Variants in MAP3K5 observed in about 807,000 individuals in gnomAD.
The protein encoded by MAP3K5 is mitogen-activated protein kinase kinase kinase 5.
MAP3K5 carries 56 observed loss-of-function variants against 158.7 expected under a neutral mutation model. The observed-to-expected ratio is 0.35, with a 90% CI of 0.28 to 0.44. The LOEUF is 0.44. MAP3K5 is among the 20% of genes least tolerant of loss of function. MAP3K5 has a pLI of 1.00. For missense variants in MAP3K5, 1,294 were observed against 1,674.8 expected (o/e 0.77, Z 3.97); for synonymous variants, 579 against 601.7 (o/e 0.96, Z 0.55).
chr6:136,712,175 CT>C (rs35467964), intron 2 of MAP3K5, among the ~76,000 whole-genome samples: 362 of 135,400 alleles, frequency 2.7e-3, no homozygotes, highest in African/African-American at 2.8e-3. Flanking sequence ...TTTAATAGAG[CT>C]TTTTTTTTTT....
intron 15 of MAP3K5, among the ~76,000 whole-genome samples, chr6:136,616,130 G>T (rs115424469): frequency 0.011 from 1,717 of 152,100 alleles, 33 homozygotes; most frequent in African/African-American, 0.04. Context: ...ATACCAGTTA[G>T]AGATAGCAAC....
intron 9 of MAP3K5, among the ~76,000 whole-genome samples, chr6:136,658,563 C>T (rs1778868358): frequency 6.6e-6 from 1 of 152,098 alleles, no homozygotes; most frequent in Non-Finnish European, 1.5e-5. Context: ...GATCTGTCCA[C>T]CTCAGCCTCC....
chr6:136,573,456 T>C (rs1386199952), intron 25 of MAP3K5, among the ~76,000 whole-genome samples: 6 of 152,240 alleles, frequency 3.9e-5, no homozygotes, highest in African/African-American at 1.4e-4. Flanking sequence ...ATTATAAATC[T>C]TCTCTTATAT....
chr6:136,695,856 T>G, intron 6 of MAP3K5, 95 bp downstream of exon 6: 1 of 635,044 alleles, frequency 1.6e-6, no homozygotes, highest in South Asian at 2.5e-5. Flanking sequence ...AATAGGGACT[T>G]CTTGCAATGC....
At chr6:136,576,179 T>A (rs1774607721) in intron 25 of MAP3K5, among the ~76,000 whole-genome samples, 1 of 152,192 alleles carries the variant, frequency 6.6e-6, no homozygotes, top group Admixed American at 6.5e-5. Flanking sequence ...TCCAATATGA[T>A]CATTATTTTA....
At chr6:136,642,450 G>C in intron 12 of MAP3K5, 70 bp downstream of exon 12, 1 of 1,043,346 alleles carries the variant, frequency 9.6e-7, no homozygotes, top group South Asian at 1.3e-5. Flanking sequence ...ATGATTAGAA[G>C]TTCTATCCAG....
intron 1 of MAP3K5, among the ~76,000 whole-genome samples, chr6:136,725,599 A>G (rs1781932916): frequency 6.6e-6 from 1 of 152,144 alleles, no homozygotes; most frequent in African/African-American, 2.4e-5. Context: ...TTTTCTGAAT[A>G]TTGTTCCTCT....
At chr6:136,668,320 G>A (rs571101813) in intron 8 of MAP3K5, among the ~76,000 whole-genome samples, 6 of 152,262 alleles carry the variant, frequency 3.9e-5, no homozygotes, top group African/African-American at 1.2e-4. Flanking sequence ...AGAATTCAAG[G>A]CTGCAGTGAG....
intron 7 of MAP3K5, among the ~76,000 whole-genome samples, chr6:136,690,364 C>T (rs531909089): frequency 2.6e-5 from 4 of 152,096 alleles, no homozygotes; most frequent in African/African-American, 7.2e-5. Flanking sequence ...CTAAGATTTA[C>T]TCTAGGGTAT....
At chr6:136,716,263 C>T (rs551636815) in intron 2 of MAP3K5, among the ~76,000 whole-genome samples, 4 of 152,026 alleles carry the variant, frequency 2.6e-5, no homozygotes, top group Non-Finnish European at 5.9e-5. Context: ...AATTGCGCTT[C>T]AGAAGGTAGT....
chr6:136,757,765 A>C (rs1363369375), intron 1 of MAP3K5, among the ~76,000 whole-genome samples: 2 of 151,538 alleles, frequency 1.3e-5, no homozygotes, highest in Non-Finnish European at 2.9e-5. Context: ...TTTTGTTTTT[A>C]GTAGAGATGG....
intron 1 of MAP3K5, among the ~76,000 whole-genome samples, chr6:136,770,497 A>G (rs576158009): frequency 6.8e-4 from 103 of 152,360 alleles, no homozygotes; most frequent in African/African-American, 2.4e-3. Flanking sequence ...ATCATAGTAC[A>G]TTTCAATACA....
Position 136,557,648 on chromosome 6 carries a change from G to T in MAP3K5, c.*110C>A. The T allele has an allele frequency of 3.0e-6, 2 of 655,986 alleles. No individual in the cohort carries two copies. The highest frequency in any genetic ancestry group is 5.4e-6 in the Non-Finnish European group (2 of 373,464). The allele number at this position is 655,986 out of a possible 1,614,324, so 40.6% of individuals were successfully genotyped here. Reference sequence around the variant, plus strand: ...TTTTTAACATGAGTAAACAAATACTGGATTTAAAGTGCAGCGCCTTTCTCC... The same window carrying T: ...TTTTTAACATGAGTAAACAAATACTTGATTTAAAGTGCAGCGCCTTTCTCC... On this transcript the variant is annotated 3_prime_UTR_variant, in exon 30 of 30. Coordinates refer to ENST00000359015, the MANE Select transcript of MAP3K5 (RefSeq NM_005923.4).
chr6:136,578,920 C>T lies in MAP3K5; in HGVS notation c.3517+1381G>A, dbSNP rs185961436. Among the ~76,000 whole-genome samples the T allele has an allele frequency of 7.9e-3, 1,206 of 151,730 alleles. 11 individuals carry two copies. Among genetic ancestry groups the T allele is most frequent in the Admixed American group, 0.018 (270 of 15,220 alleles). ...GTGCAGCAGCTCACGCCTGTAATCA[C>T]AGCACTTTGGGAGGCCGAGGCGGGA... On this transcript the variant is annotated intron_variant, in intron 25 of 29. Transcript: ENST00000359015.
At chr6:136,629,208 T>C (rs989675375) in intron 14 of MAP3K5, 1 of 152,182 alleles carries the variant, frequency 6.6e-6, no homozygotes, top group Admixed American at 6.5e-5. Context: ...ACTGAGTCCT[T>C]GCACTCTCGA....
Position 136,613,564 on chromosome 6 carries a change from C to G in MAP3K5, c.2279-308G>C, listed in dbSNP as rs748703287. Among the ~76,000 whole-genome samples, 4 of 152,008 alleles carry G rather than the reference C, an allele frequency of 2.6e-5. No homozygotes were observed. The highest frequency in any genetic ancestry group is 5.9e-5 in the Non-Finnish European group (4 of 68,002). On this transcript the variant is annotated intron_variant, in intron 16 of 29. Coordinates refer to ENST00000359015, the MANE Select transcript of MAP3K5 (RefSeq NM_005923.4). This position sits in a 1 kb window ranked among gnomAD's most constrained non-coding sequence, Gnocchi z 4.0. Reference sequence around the variant, plus strand: ...GAAATTACATAATTCACATGTAAAGCTTCTAGAACTTTAAATTATTTGAGC... The same window carrying G: ...GAAATTACATAATTCACATGTAAAGGTTCTAGAACTTTAAATTATTTGAGC...
chr6:136,586,149 T>C (rs913072333), intron 23 of MAP3K5, among the ~76,000 whole-genome samples: 1 of 152,208 alleles, frequency 6.6e-6, no homozygotes, highest in African/African-American at 2.4e-5. Flanking sequence ...ATGGGAACCA[T>C]TATAAACTTT....
intron 1 of MAP3K5, among the ~76,000 whole-genome samples, chr6:136,742,917 G>A (rs1439115175): frequency 6.6e-6 from 1 of 152,214 alleles, no homozygotes; most frequent in African/African-American, 2.4e-5. Flanking sequence ...ATGGGGCCAG[G>A]CAAAGTGGCT....
intron 21 of MAP3K5, among the ~76,000 whole-genome samples, chr6:136,598,046 T>C (rs1473734817): frequency 6.6e-6 from 1 of 152,180 alleles, no homozygotes; most frequent in Admixed American, 6.5e-5. Context: ...ATAAAAATTT[T>C]CCCCGGCTCC....
Sources: allele counts gnomAD v4.1 joint callset (sites outside exome capture counted in the v4.1 genomes callset), GRCh38; gene constraint gnomAD v4.1.1; non-coding constraint Gnocchi (gnomAD v3.1); transcripts MANE v1.5; gene names NCBI Gene and HGNC (gene_info 2026-07-23, HGNC 2026-07-21).